The following DENND4B variants were observed in gnomAD, a reference collection of about 807,000 sequenced individuals.
DENND4B encodes the protein DENN domain-containing protein 4B.
DENND4B carries 67 observed loss-of-function variants against 161.0 expected under a neutral mutation model. The ratio of observed to expected loss-of-function variants is 0.42; its 90% CI spans 0.34 to 0.51. DENND4B has a LOEUF of 0.51. Ranked by LOEUF, DENND4B falls within the 20% of genes least tolerant of loss-of-function variation. The pLI, the probability that DENND4B is intolerant of heterozygous loss-of-function variation, is 0.08. For missense variants in DENND4B, 1,481 were observed against 1,968.0 expected (o/e 0.75, Z 4.68); for synonymous variants, 753 against 813.8 (o/e 0.93, Z 1.27).
In DENND4B at chr1:153,942,944, C is replaced by A. The variant is rs1226200172; in HGVS notation, c.504G>T (p.Leu168=). The change falls in exon 3 of 28, where the codon CTG becomes CTT. Residue 168 remains leucine (L), a synonymous_variant. Coordinates refer to ENST00000361217, the MANE Select transcript of DENND4B (RefSeq NM_014856.3). This position sits in a 1 kb window ranked among gnomAD's most constrained non-coding sequence, Gnocchi z 6.9. ...GAGGAGTGCCCTCGCCCTTACTGGG[C>A]AGCACCAGGCAGAGGTCAGTGATGC... ...ALGITDLCLV[L]PSKGEGTPHT... The A allele has an allele frequency of 6.2e-7, 1 of 1,613,344 alleles. No individual in the cohort carries two copies. The highest frequency in any genetic ancestry group is 1.7e-5 in the Admixed American group (1 of 59,946).
chr1:153,932,514 C>T lies in DENND4B; in HGVS notation c.3760-74G>A. ...AGCCTTGCCTCCCACTGAGCCACCA[C>T]ATCCAACAGCTTTTGGGATGCCCCT... is the stretch of plus-strand genomic sequence containing the variant. On this transcript the variant is annotated intron_variant, in intron 23 of 27. Transcript: ENST00000361217. This position sits in a 1 kb window ranked among gnomAD's most constrained non-coding sequence, Gnocchi z 5.8. 2 of 1,556,064 alleles carry T rather than the reference C, an allele frequency of 1.3e-6. No homozygotes were observed. Among genetic ancestry groups the T allele is most frequent in the South Asian group, 1.2e-5 (1 of 83,500 alleles).
rs752945372 is a variant in DENND4B, at chr1:153,943,034, G to A, written c.414C>T (p.Pro138=). The stretch of plus-strand genomic sequence containing the variant: ...AAGTGAGGTAGGTGCGGGGGTGCCC[G>A]GGGCCTGGAGGGGCCAGGTTTGCTG... ...SHSANLAPPG[P]GHPRTYLTYR... The change falls in exon 3 of 28, where the codon CCC becomes CCT. Residue 138 remains proline, a synonymous_variant. Transcript: ENST00000361217. 1.7e-5 allele frequency: 27 copies of A among 1,613,892 alleles called. No individual in the cohort carries two copies. The highest frequency in any genetic ancestry group is 1.3e-4 in the African/African-American group (10 of 74,940).
rs1389762552 is a variant in DENND4B at position 153,936,534 on chromosome 1, T to A, written c.2439+8A>T. On this transcript the variant is annotated splice_region_variant and intron_variant, in intron 16 of 27. Transcript: ENST00000361217. The surrounding 1 kb of genome is among the most constrained non-coding windows in gnomAD (Gnocchi z 4.1). ...CTGGGTATGAGCATGGTCACATAGATTGCCTACCTCATCAGGGAGCACCAC... is the reference window on the plus strand; with the variant it reads ...CTGGGTATGAGCATGGTCACATAGAATGCCTACCTCATCAGGGAGCACCAC... 7 of 1,578,746 alleles carry A rather than the reference T, an allele frequency of 4.4e-6. No individual in the cohort carries two copies. Among genetic ancestry groups the A allele is most frequent in the Non-Finnish European group, 6.0e-6 (7 of 1,158,612 alleles).
chr1:153,939,604 G>A lies in DENND4B; in HGVS notation c.1804C>T (p.Leu602Phe). Reference protein sequence around the residue: ...PSEGARDVDNLFFLQGFLKSR... With the variant: ...PSEGARDVDNFFFLQGFLKSR... The stretch of plus-strand genomic sequence containing the variant: ...CCCTCTATACCCTGCAGGAAGAAAA[G>A]GTTGTCAACATCACGAGCTCCCTCG... The change falls in exon 12 of 28, where the codon CTT becomes TTT. Residue 602 changes from leucine (L) to phenylalanine (F), a missense_variant. Coordinates refer to ENST00000361217, the MANE Select transcript of DENND4B (RefSeq NM_014856.3). 2 of 1,609,620 alleles carry A rather than the reference G, an allele frequency of 1.2e-6. No individual in the cohort carries two copies.
intron 11 of DENND4B, 70 bp from the exon 12 acceptor site, chr1:153,939,874 C>T (rs917442505): frequency 1.4e-6 from 2 of 1,464,644 alleles, no homozygotes; most frequent in African/African-American, 2.8e-5. Flanking sequence ...GCTCTCATGC[C>T]TCCATCTCCA....
At position 153,937,424 on chromosome 1, in the gene DENND4B, A is replaced by G; in HGVS notation, c.2232+64T>C. ...GTTATACCCATTTTGTAGATGAGGA[A>G]ACTGAAGCAGCAGCAGCCTTCAGCC... On this transcript the variant is annotated intron_variant, in intron 15 of 27. Coordinates refer to ENST00000361217, the MANE Select transcript of DENND4B (RefSeq NM_014856.3). The surrounding 1 kb of genome is among the most constrained non-coding windows in gnomAD (Gnocchi z 4.7). 6.8e-7 allele frequency: 1 copy of G among 1,460,784 alleles called. No homozygotes were observed. Among genetic ancestry groups the G allele is most frequent in the Non-Finnish European group, 9.1e-7 (1 of 1,103,662 alleles). 90.5% of individuals were successfully genotyped at this position (1,460,784 alleles called of 1,614,324 possible).
Position 153,941,309 on chromosome 1 carries a change from A to T in DENND4B, c.1123-20T>A, listed in dbSNP as rs377522526. The T allele has an allele frequency of 9.9e-6, 16 of 1,613,824 alleles. No individual in the cohort carries two copies. Among genetic ancestry groups the T allele is most frequent in the Middle Eastern group, 1.7e-4 (1 of 6,056 alleles). ...AGACATCTGGAAGGGAAGAAGAGCC[A>T]CGGCTCAGGGTAATGATGCCAACTC... On this transcript the variant is annotated intron_variant, in intron 7 of 27. Coordinates refer to ENST00000361217, the MANE Select transcript of DENND4B (RefSeq NM_014856.3).
intron 17 of DENND4B, 99 bp downstream of exon 17, chr1:153,935,961 G>T: frequency 6.8e-7 from 1 of 1,474,464 alleles, no homozygotes; most frequent in Non-Finnish European, 9.2e-7. Flanking sequence ...TAGGCAAACA[G>T]TACCAGCCCA....
rs1356943531 is a variant in DENND4B at position 153,936,780 on chromosome 1, T to C, written c.2233-32A>G. On this transcript the variant is annotated intron_variant, in intron 15 of 27. Transcript: ENST00000361217. This position sits in a 1 kb window ranked among gnomAD's most constrained non-coding sequence, Gnocchi z 4.1. ...AGGACAGGGGACACATCAGGGTGAGTACAATGCCAGGTCTTTCTTACTTAT... is the reference window on the plus strand; with the variant it reads ...AGGACAGGGGACACATCAGGGTGAGCACAATGCCAGGTCTTTCTTACTTAT... 6.7e-7 allele frequency: 1 copy of C among 1,490,778 alleles called. No homozygotes were observed. 92.3% of individuals were successfully genotyped at this position (1,490,778 alleles called of 1,614,324 possible).
chr1:153,933,073 C>T lies in DENND4B; in HGVS notation c.3454-43G>A. The T allele has an allele frequency of 6.2e-7, 1 of 1,610,544 alleles. No homozygotes were observed. Among genetic ancestry groups the T allele is most frequent in the Non-Finnish European group, 8.5e-7 (1 of 1,177,634 alleles). On this transcript the variant is annotated intron_variant, in intron 21 of 27. Transcript: ENST00000361217. This position sits in a 1 kb window ranked among gnomAD's most constrained non-coding sequence, Gnocchi z 5.7. ...CGGGAAGTAGGTGCTGTCTGGCCGC[C>T]AGCACTCTGGAGCCCATGCCCCTTC...
At position 153,936,313 on chromosome 1, in the gene DENND4B, G is replaced by T; in HGVS notation, c.2440-125C>A. 1 of 1,414,578 alleles carries T rather than the reference G, an allele frequency of 7.1e-7. No individual in the cohort carries two copies. The highest frequency in any genetic ancestry group is 2.2e-5 in the Admixed American group (1 of 45,124). The allele number at this position is 1,414,578 out of a possible 1,614,324, so 87.6% of individuals were successfully genotyped here. A position where few individuals can be genotyped will look rare whatever the true frequency, so the allele number is the denominator to read the frequency against. ...TCACTGGCCCCTGGCAGGTCCTGGG[G>T]CTACCTCAGAGCCACCCACCCTTTC... is the stretch of plus-strand genomic sequence containing the variant. On this transcript the variant is annotated intron_variant, in intron 16 of 27. Transcript: ENST00000361217. The surrounding 1 kb of genome is among the most constrained non-coding windows in gnomAD (Gnocchi z 4.1).
At position 153,940,991 on chromosome 1, in the gene DENND4B, C is replaced by T. The variant is rs1468533752; in HGVS notation, c.1239G>A (p.Leu413=). The T allele has an allele frequency of 6.3e-6, 10 of 1,583,390 alleles. No individual in the cohort carries two copies. The highest frequency in any genetic ancestry group is 8.6e-6 in the Non-Finnish European group (10 of 1,166,624). Residue 413 remains leucine (L), a synonymous_variant, in exon 9 of 28, where the codon CTG becomes CTA. Coordinates refer to ENST00000361217, the MANE Select transcript of DENND4B (RefSeq NM_014856.3). The surrounding 1 kb of genome is among the most constrained non-coding windows in gnomAD (Gnocchi z 5.6). ...TGTGCTCTGTGAGCACAGCCAGCAG[C>T]AGTGTGATAGCCAGCTCAGGGCCCA... ...QSLGPELAIT[L]LLAVLTEHKL... is the part of the protein sequence containing the mutation.
chr1:153,939,619 G>A lies in DENND4B; in HGVS notation c.1789C>T (p.Arg597Cys), dbSNP rs771657362. The A allele has an allele frequency of 2.5e-5, 41 of 1,611,106 alleles. No individual in the cohort carries two copies. The highest frequency in any genetic ancestry group is 4.5e-5 in the East Asian group (2 of 44,788). ...PLTQAPSEGA[R>C]DVDNLFFLQG... Reference sequence around the variant, plus strand: ...AGGAAGAAAAGGTTGTCAACATCACGAGCTCCCTCGGAGGGGGCCTGGGTG... The same window carrying A: ...AGGAAGAAAAGGTTGTCAACATCACAAGCTCCCTCGGAGGGGGCCTGGGTG... Residue 597 changes from arginine (R) to cysteine (C), a missense_variant, in exon 12 of 28, where the codon CGT becomes TGT. This residue lies in a region of DENND4B where 806 missense variants were observed against 1,134.4 expected (regional missense o/e 0.71). Transcript: ENST00000361217.
At position 153,937,454 on chromosome 1, in the gene DENND4B, C is replaced by A; in HGVS notation, c.2232+34G>T. On this transcript the variant is annotated intron_variant, in intron 15 of 27. Transcript: ENST00000361217. This position sits in a 1 kb window ranked among gnomAD's most constrained non-coding sequence, Gnocchi z 4.7. ...AAGCAGCAGCAGCCTTCAGCCTGAT[C>A]CGGGTCCCTCAGTGCGGTCCACCCA... The A allele has an allele frequency of 2.0e-6, 3 of 1,492,970 alleles. No homozygotes were observed. Among genetic ancestry groups the A allele is most frequent in the Non-Finnish European group, 2.7e-6 (3 of 1,118,160 alleles). The allele number at this position is 1,492,970 out of a possible 1,614,324, so 92.5% of individuals were successfully genotyped here.
chr1:153,944,459 G>T lies in DENND4B; in HGVS notation c.-23-62C>A. The T allele has an allele frequency of 6.9e-7, 1 of 1,457,016 alleles. No homozygotes were observed. The highest frequency in any genetic ancestry group is 9.1e-7 in the Non-Finnish European group (1 of 1,094,378). 90.3% of individuals were successfully genotyped at this position (1,457,016 alleles called of 1,614,324 possible). The stretch of plus-strand genomic sequence containing the variant: ...AGGCTGGGGATGCCATGGCAACCAG[G>T]GTACCCTCTTGCTCCCCTCCTCTTC... On this transcript the variant is annotated intron_variant, in intron 1 of 27. Transcript: ENST00000361217. The surrounding 1 kb of genome is among the most constrained non-coding windows in gnomAD (Gnocchi z 4.8).
chr1:153,943,024 G>A lies in DENND4B; in HGVS notation c.424C>T (p.Arg142Cys), dbSNP rs752050793. Reference sequence around the variant, plus strand: ...GCCCGCCGGTAAGTGAGGTAGGTGCGGGGGTGCCCGGGGCCTGGAGGGGCC... The same window carrying A: ...GCCCGCCGGTAAGTGAGGTAGGTGCAGGGGTGCCCGGGGCCTGGAGGGGCC... ...NLAPPGPGHP[R>C]TYLTYRRAAE... The change falls in exon 3 of 28, where the codon CGC (arginine) becomes TGC (cysteine). Residue 142 changes from arginine to cysteine, a missense_variant. This residue lies in a region of DENND4B where 806 missense variants were observed against 1,134.4 expected (regional missense o/e 0.71). Coordinates refer to ENST00000361217, the MANE Select transcript of DENND4B (RefSeq NM_014856.3). The A allele has an allele frequency of 8.1e-6, 13 of 1,614,034 alleles. No homozygotes were observed. Among genetic ancestry groups the A allele is most frequent in the East Asian group, 2.2e-5 (1 of 44,890 alleles).
rs1679980550 is a variant in DENND4B at position 153,946,463 on chromosome 1, C to T, written c.-186G>A. ...TGAAGGAAGAAGAGGCGGCCGAGGA[C>T]CGCAGAGCGCGGGGCGCAGTGGAAG... On this transcript the variant is annotated 5_prime_UTR_variant, in exon 1 of 28. Transcript: ENST00000361217. This position sits in a 1 kb window ranked among gnomAD's most constrained non-coding sequence, Gnocchi z 6.3. 2.6e-6 allele frequency: 1 copy of T among 389,662 alleles called. No individual in the cohort carries two copies. Among genetic ancestry groups the T allele is most frequent in the Non-Finnish European group, 4.5e-6 (1 of 220,130 alleles). The allele number at this position is 389,662 out of a possible 1,614,324, so 24.1% of individuals were successfully genotyped here. A position where few individuals can be genotyped will look rare whatever the true frequency, so the allele number is the denominator to read the frequency against.
rs973577178 is a variant in DENND4B at position 153,930,081 on chromosome 1, C to T, written c.*216G>A. The T allele has an allele frequency of 4.7e-6, 3 of 643,616 alleles. No individual in the cohort carries two copies. In the African/African-American group the frequency reaches 5.5e-5, roughly 12 times the overall value. 39.9% of individuals were successfully genotyped at this position (643,616 alleles called of 1,614,324 possible). Reference sequence around the variant, plus strand: ...CCAACTCCCCCCAGATCTCCCCCAACATCAGCACGAACAAACTGGGTAGGT... The same window carrying T: ...CCAACTCCCCCCAGATCTCCCCCAATATCAGCACGAACAAACTGGGTAGGT... On this transcript the variant is annotated 3_prime_UTR_variant, in exon 28 of 28. Transcript: ENST00000361217. The surrounding 1 kb of genome is among the most constrained non-coding windows in gnomAD (Gnocchi z 4.7).
Position 153,941,943 on chromosome 1 carries a change from G to A in DENND4B, c.981C>T (p.Phe327=), listed in dbSNP as rs766661831. ...AIAVLSRWPA[F]PAFRAFLTFL... ...AGGTGAGGAAGGCGCGGAAGGCAGG[G>A]AAGGCAGGCCAGCGGGACAGCACAG... Residue 327 remains phenylalanine (F), a synonymous_variant, in exon 6 of 28, where the codon TTC becomes TTT. Coordinates refer to ENST00000361217, the MANE Select transcript of DENND4B (RefSeq NM_014856.3). The A allele has an allele frequency of 1.2e-5, 19 of 1,612,592 alleles. No homozygotes were observed. In the Admixed American group the frequency reaches 3.2e-4, roughly 27 times the overall value.
Sources: gnomAD v4.1 joint callset for allele counts on GRCh38, gnomAD v4.1.1 for gene constraint, gnomAD v4.1.1 regional missense constraint, Gnocchi (gnomAD v3.1) non-coding constraint, MANE v1.5 for transcripts, NCBI Gene and HGNC (gene_info 2026-07-23, HGNC 2026-07-21) for gene names.